CHRM3: variants seen among roughly 807,000 people sequenced by gnomAD.
CHRM3 encodes muscarinic acetylcholine receptor M3.
Under a neutral mutation model 41.8 loss-of-function variants are expected in CHRM3, and 11 were observed. That is an observed-to-expected ratio of 0.26 (90% CI 0.17 to 0.44). CHRM3 has a LOEUF of 0.44. CHRM3 is among the 20% of genes least tolerant of loss of function. The pLI, the probability that CHRM3 is intolerant of heterozygous loss-of-function variation, is 1.00. For missense variants in CHRM3, 571 were observed against 745.4 expected (o/e 0.77, Z 2.72); for synonymous variants, 297 against 301.4 (o/e 0.99, Z 0.15).
At position 239,913,443 on chromosome 1, in the gene CHRM3, A is replaced by T. The variant is rs185892754; in HGVS notation, c.*4219A>T. 1.4e-3 allele frequency: 230 copies of T among 167,190 alleles called. 1 individual carries two copies. The highest frequency in any genetic ancestry group is 5.0e-3 in the African/African-American group (207 of 41,572). 10.4% of individuals were successfully genotyped at this position (167,190 alleles called of 1,614,324 possible). A position where few individuals can be genotyped will look rare whatever the true frequency, so the allele number is the denominator to read the frequency against. On this transcript the variant is annotated 3_prime_UTR_variant, in exon 7 of 7. Coordinates refer to ENST00000676153, the MANE Select transcript of CHRM3 (RefSeq NM_001375978.1). Reference sequence around the variant, plus strand: ...CGTGCAACAAACTTATTTAGACAGTATCAACTCTAGCCCTTAATAGGTTCA... The same window carrying T: ...CGTGCAACAAACTTATTTAGACAGTTTCAACTCTAGCCCTTAATAGGTTCA...
At chr1:239,443,114 A>G (rs1663857509) in intron 1 of CHRM3, among the ~76,000 whole-genome samples, 1 of 152,192 alleles carries the variant, frequency 6.6e-6, no homozygotes, top group Admixed American at 6.5e-5. Context: ...ATTTTATTTC[A>G]TTTAATAGTG....
rs56000946 is a variant in CHRM3, at chr1:239,414,611, A to G, written c.-521+27384A>G. Among the ~76,000 whole-genome samples, 6 of 152,352 alleles carry G rather than the reference A, an allele frequency of 3.9e-5. No homozygotes were observed. In the East Asian group the frequency reaches 1.2e-3, roughly 29 times the overall value. On this transcript the variant is annotated intron_variant, in intron 1 of 6. Transcript: ENST00000676153. The stretch of plus-strand genomic sequence containing the variant: ...GTACACTTTGAAAAGCTAGTCTAGC[A>G]TAGGCAGCATGCCAGATTTCATATA...
chr1:239,531,131 C>A (rs1670374031), intron 2 of CHRM3, among the ~76,000 whole-genome samples: 1 of 151,842 alleles, frequency 6.6e-6, no homozygotes. Flanking sequence ...AATTGACAAG[C>A]TGACCCAAAA....
chr1:239,856,264 A>T (rs1476088477), intron 6 of CHRM3, among the ~76,000 whole-genome samples: 1 of 152,068 alleles, frequency 6.6e-6, no homozygotes, highest in Non-Finnish European at 1.5e-5. Context: ...TCCCCACCCA[A>T]ATCTCATGTT....
At position 239,640,579 on chromosome 1, in the gene CHRM3, G is replaced by C. The variant is rs550579863; in HGVS notation, c.-250+8293G>C. ...GAGGTGTTTGTAGTATTCTCTGATG[G>C]TAGTTTGTATTTCTGTGGGATCAGT... On this transcript the variant is annotated intron_variant, in intron 4 of 6. Coordinates refer to ENST00000676153, the MANE Select transcript of CHRM3 (RefSeq NM_001375978.1). 3.4e-3 allele frequency among the ~76,000 whole-genome samples: 512 copies of C among 151,840 alleles called. 6 individuals carry two copies. Among genetic ancestry groups the C allele is most frequent in the African/African-American group, 0.012 (491 of 41,402 alleles).
intron 4 of CHRM3, among the ~76,000 whole-genome samples, chr1:239,659,586 A>C (rs1673012193): frequency 6.6e-6 from 1 of 152,244 alleles, no homozygotes; most frequent in South Asian, 2.1e-4. Flanking sequence ...GACTAGTGGC[A>C]CTTGAAGAAG....
Position 239,907,623 on chromosome 1 carries a change from G to T in CHRM3, c.172G>T (p.Asp58Tyr). ...NFSSPDGTTD[D>Y]PLGGHTVWQV... ...CTCCTCTCCAGACGGTACCACCGAT[G>T]ACCCTCTGGGAGGTCATACCGTCTG... Residue 58 changes from aspartate to tyrosine, a missense_variant, in exon 7 of 7, where the codon GAC becomes TAC. Coordinates refer to ENST00000676153, the MANE Select transcript of CHRM3 (RefSeq NM_001375978.1). The surrounding 1 kb of genome is among the most constrained non-coding windows in gnomAD (Gnocchi z 5.4). The T allele has an allele frequency of 1.2e-6, 2 of 1,614,158 alleles. No homozygotes were observed. The highest frequency in any genetic ancestry group is 1.7e-6 in the Non-Finnish European group (2 of 1,180,030).
chr1:239,598,963 T>C (rs1172932713), intron 3 of CHRM3, among the ~76,000 whole-genome samples: 2 of 150,924 alleles, frequency 1.3e-5, no homozygotes, highest in African/African-American at 2.4e-5. Context: ...GTTTTGGCCC[T>C]CCCCTAATCT....
At chr1:239,419,047 G>A (rs770990607) in intron 1 of CHRM3, among the ~76,000 whole-genome samples, 1 of 152,146 alleles carries the variant, frequency 6.6e-6, no homozygotes, top group Non-Finnish European at 1.5e-5. Flanking sequence ...CGCCCTGGTA[G>A]AACACATTTG....
chr1:239,642,052 T>G (rs1671210056), intron 4 of CHRM3, among the ~76,000 whole-genome samples: 1 of 127,856 alleles, frequency 7.8e-6, no homozygotes, highest in Admixed American at 7.9e-5. Context: ...TATGAAATTC[T>G]GGGTTGAAAA....
chr1:239,441,041 T>C (rs181213985), intron 1 of CHRM3, among the ~76,000 whole-genome samples: 2 of 152,310 alleles, frequency 1.3e-5, no homozygotes, highest in Admixed American at 6.5e-5. Context: ...AACCAGCAGA[T>C]TGAGGGCAGA....
chr1:239,714,191 C>T (rs1158213266), intron 5 of CHRM3: 2 of 152,154 alleles, frequency 1.3e-5, no homozygotes, highest in Non-Finnish European at 2.9e-5. Context: ...CTAGCACAGC[C>T]AGCATGCCAT....
At chr1:239,485,280 G>A (rs1485263431) in intron 1 of CHRM3, among the ~76,000 whole-genome samples, 1 of 152,072 alleles carries the variant, frequency 6.6e-6, no homozygotes, top group African/African-American at 2.4e-5. Flanking sequence ...CATGAACAGG[G>A]TATAATACTG....
rs192058226 is a variant in CHRM3 at position 239,575,305 on chromosome 1, C to G, written c.-313+29556C>G. On this transcript the variant is annotated intron_variant, in intron 3 of 6. Transcript: ENST00000676153. ...CAGGAAGTGGGAGTGATTCCTCTTT[C>G]AGTTGAGCAGCCTAAAGGGTTGTTG... Among the ~76,000 whole-genome samples, 14 of 152,242 alleles carry G rather than the reference C, an allele frequency of 9.2e-5. No individual in the cohort carries two copies. In the East Asian group the frequency reaches 2.7e-3, roughly 29 times the overall value.
intron 6 of CHRM3, among the ~76,000 whole-genome samples, chr1:239,858,443 G>A (rs1431238453): frequency 1.4e-5 from 2 of 147,152 alleles, no homozygotes; most frequent in Non-Finnish European, 3.0e-5. Context: ...CTAGATTCCT[G>A]TTTTGGTTTT....
intron 1 of CHRM3, among the ~76,000 whole-genome samples, chr1:239,411,750 A>T (rs1314847610): frequency 7.2e-6 from 1 of 138,084 alleles, no homozygotes; most frequent in East Asian, 2.1e-4. Flanking sequence ...AAAAAAAAAA[A>T]GCTGGGATTG....
At chr1:239,792,826 C>T (rs922274251) in intron 5 of CHRM3, among the ~76,000 whole-genome samples, 3 of 152,162 alleles carry the variant, frequency 2.0e-5, no homozygotes, top group African/African-American at 7.2e-5. Context: ...ATGTTGTCTT[C>T]AATAAATTAC....
chr1:239,658,881 G>A (rs1456863367), intron 4 of CHRM3, among the ~76,000 whole-genome samples: 2 of 151,974 alleles, frequency 1.3e-5, no homozygotes, highest in African/African-American at 2.4e-5. Context: ...TGGAACTACA[G>A]GTGTGTGCCA....
At chr1:239,840,483 A>G (rs539057677) in intron 6 of CHRM3, among the ~76,000 whole-genome samples, 45 of 152,324 alleles carry the variant, frequency 3.0e-4, no homozygotes, top group African/African-American at 1.0e-3. Flanking sequence ...GACAGATAAT[A>G]CACAAAAAAA....
Sources: gnomAD v4.1 joint callset for allele counts (sites outside exome capture counted in the v4.1 genomes callset) on GRCh38, gnomAD v4.1.1 for gene constraint, Gnocchi (gnomAD v3.1) non-coding constraint, MANE v1.5 for transcripts, NCBI Gene and HGNC (gene_info 2026-07-23, HGNC 2026-07-21) for gene names.